Variants in TIMD4 observed in about 807,000 individuals in gnomAD.
TIMD4 encodes the protein T-cell immunoglobulin and mucin domain-containing protein 4.
In TIMD4, 31 loss-of-function variants were observed where a neutral mutation model predicts 41.2. The ratio of observed to expected loss-of-function variants is 0.75; its 90% CI spans 0.57 to 1.01. The LOEUF (loss-of-function observed/expected upper bound fraction) is 1.01, where lower values mean the gene tolerates loss of function less well. TIMD4 is among the 50% of genes least tolerant of loss of function. The pLI, the probability that TIMD4 is intolerant of heterozygous loss-of-function variation, is 0.00. For missense variants in TIMD4, 479 were observed against 472.5 expected, an observed-to-expected ratio of 1.01 and a Z score of -0.13; for synonymous variants, 204 against 177.1, an observed-to-expected ratio of 1.15 and a Z score of -1.21.
Position 156,959,916 on chromosome 5 carries a change from G to A in TIMD4, c.58+3225C>T, listed in dbSNP as rs189765190. ...AAATTAGCCAGCTGTGGTGGCGGGC[G>A]CCTGCAATCTCAGCTACTTGGGAGG... On this transcript the variant is annotated intron_variant, in intron 1 of 8. Transcript: ENST00000274532. Among the ~76,000 whole-genome samples the A allele has an allele frequency of 1.0e-2, 1,517 of 152,028 alleles. 16 individuals carry two copies. Among genetic ancestry groups the A allele is most frequent in the Admixed American group, 0.017 (252 of 15,260 alleles).
chr5:156,949,850 C>G, intron 3 of TIMD4, 119 bp from the exon 4 acceptor site: 1 of 635,264 alleles, frequency 1.6e-6, no homozygotes, highest in South Asian at 1.7e-5. Context: ...CAGAGTCTTG[C>G]TCTATCACCC....
chr5:156,933,544 G>GTTGTTTTGTTTTGTT (rs60102527), intron 5 of TIMD4, among the ~76,000 whole-genome samples: 2,538 of 144,338 alleles, frequency 0.018, 64 homozygotes, highest in East Asian at 0.054. Flanking sequence ...GGGTGAGAGT[G>GTTGTTTTGTTTTGTT]TTGTTTTGTT....
intron 4 of TIMD4, among the ~76,000 whole-genome samples, chr5:156,949,153 A>G (rs1273542681): frequency 6.6e-6 from 1 of 152,220 alleles, no homozygotes; most frequent in Non-Finnish European, 1.5e-5. Flanking sequence ...CCCAGGCCCC[A>G]GTAACTACCT....
chr5:156,946,472 A>G (rs895158092), intron 5 of TIMD4, among the ~76,000 whole-genome samples: 6 of 151,648 alleles, frequency 4.0e-5, no homozygotes, highest in African/African-American at 1.5e-4. Context: ...TCCAACTCTG[A>G]GCTTTTTTTT....
At position 156,925,004 on chromosome 5, in the gene TIMD4, AAG is replaced by A. The variant is rs139087161; in HGVS notation, c.894+1257_894+1258del. Among the ~76,000 whole-genome samples, 3 of 151,602 alleles carry A rather than the reference AAG, an allele frequency of 2.0e-5. 1 individual carries two copies. Among genetic ancestry groups the A allele is most frequent in the Admixed American group, 6.6e-5 (1 of 15,200 alleles). On this transcript the variant is annotated intron_variant, in intron 6 of 8. Coordinates refer to ENST00000274532, the MANE Select transcript of TIMD4 (RefSeq NM_138379.3). ...TTAAAATCCAAGTTAAAAAAAGAAA[AAG>A]AGAGAGAGAGAGAGAATATAGGCCA...
intron 5 of TIMD4, among the ~76,000 whole-genome samples, chr5:156,946,260 C>G (rs78504841): frequency 1.3e-5 from 2 of 152,140 alleles, no homozygotes; most frequent in East Asian, 3.9e-4. Flanking sequence ...CACCCTTACC[C>G]CATCCCATAG....
chr5:156,936,504 C>G (rs1382451236), intron 5 of TIMD4, among the ~76,000 whole-genome samples: 1 of 152,116 alleles, frequency 6.6e-6, no homozygotes, highest in African/African-American at 2.4e-5. Flanking sequence ...GCAACTTGCT[C>G]AAGTTGCATA....
At chr5:156,945,093 T>C (rs544602653) in intron 5 of TIMD4, among the ~76,000 whole-genome samples, 3 of 152,330 alleles carry the variant, frequency 2.0e-5, no homozygotes, top group Admixed American at 1.3e-4. Flanking sequence ...CAGAAGCCTG[T>C]AGGCCCTCTG....
At chr5:156,924,713 G>A in intron 6 of TIMD4, 1 of 173,762 alleles carries the variant, frequency 5.8e-6, no homozygotes, top group African/African-American at 2.4e-5. Flanking sequence ...AAAATAAATA[G>A]AAAATTTCAT....
At chr5:156,960,259 A>G (rs1760054374) in intron 1 of TIMD4, among the ~76,000 whole-genome samples, 1 of 152,138 alleles carries the variant, frequency 6.6e-6, no homozygotes. Flanking sequence ...TCAAGTTTCC[A>G]GGATAAGACA....
chr5:156,935,182 C>CT (rs61559039), intron 5 of TIMD4, among the ~76,000 whole-genome samples: 4,638 of 144,416 alleles, frequency 0.032, 151 homozygotes, highest in African/African-American at 0.09. Flanking sequence ...CCTCCAATTT[C>CT]TTTTTTTTTT....
At chr5:156,960,509 C>T (rs553708001) in intron 1 of TIMD4, among the ~76,000 whole-genome samples, 12 of 150,802 alleles carry the variant, frequency 8.0e-5, no homozygotes, top group African/African-American at 2.9e-4. Flanking sequence ...CTAGTTCAAG[C>T]GATTCTCCTG....
chr5:156,949,501 C>G, intron 4 of TIMD4, 150 bp downstream of exon 4: 1 of 656,370 alleles, frequency 1.5e-6, no homozygotes, highest in Non-Finnish European at 2.8e-6. Context: ...ACTACAAAGG[C>G]TGCCTTGAGG....
intron 8 of TIMD4, among the ~76,000 whole-genome samples, chr5:156,920,058 G>C (rs992234631): frequency 6.6e-6 from 1 of 152,004 alleles, no homozygotes; most frequent in Non-Finnish European, 1.5e-5. Flanking sequence ...GGTCTAACTG[G>C]GCAGAGGAAC....
intron 5 of TIMD4, among the ~76,000 whole-genome samples, chr5:156,944,535 C>T (rs1280371185): frequency 8.9e-6 from 1 of 112,414 alleles, no homozygotes; most frequent in Non-Finnish European, 1.7e-5. Flanking sequence ...GACGGAGTCT[C>T]GTTATTTCCC....
chr5:156,931,094 A>G (rs1759437461), intron 5 of TIMD4, among the ~76,000 whole-genome samples: 1 of 152,206 alleles, frequency 6.6e-6, no homozygotes. Flanking sequence ...TGAAGATGCT[A>G]TGCTGCTGAC....
intron 5 of TIMD4, among the ~76,000 whole-genome samples, chr5:156,926,756 A>G (rs1198995783): frequency 1.3e-5 from 2 of 152,226 alleles, no homozygotes; most frequent in Non-Finnish European, 2.9e-5. Context: ...GTAAAAATGT[A>G]ATGTAAATAG....
chr5:156,948,867 C>T (rs943814943), intron 4 of TIMD4, among the ~76,000 whole-genome samples: 9 of 152,330 alleles, frequency 5.9e-5, no homozygotes, highest in South Asian at 2.1e-4. Context: ...CTATCACAAA[C>T]GCTGACTTAC....
chr5:156,919,427 C>G lies in TIMD4; in HGVS notation c.*30G>C. 6.3e-7 allele frequency: 1 copy of G among 1,592,412 alleles called. No homozygotes were observed. Among genetic ancestry groups the G allele is most frequent in the Admixed American group, 1.7e-5 (1 of 59,928 alleles). On this transcript the variant is annotated 3_prime_UTR_variant, in exon 9 of 9. Transcript: ENST00000274532. Reference sequence around the variant, plus strand: ...ATTTTGACACTGGAGTGTCATGCCCCCATCCTCAATCTAACATGCTACTGC... The same window carrying G: ...ATTTTGACACTGGAGTGTCATGCCCGCATCCTCAATCTAACATGCTACTGC...
Sources: gnomAD v4.1 joint callset for allele counts (sites outside exome capture counted in the v4.1 genomes callset) on GRCh38, gnomAD v4.1.1 for gene constraint, MANE v1.5 for transcripts, NCBI Gene and HGNC (gene_info 2026-07-23, HGNC 2026-07-21) for gene names.